KIAA1217: variants seen among roughly 807,000 people sequenced by gnomAD.
The protein encoded by KIAA1217 is KIAA1217, also known as sickle tail protein homolog.
A neutral mutation model predicts 163.9 loss-of-function variants in KIAA1217; 88 were observed. The ratio of observed to expected loss-of-function variants is 0.54; its 90% confidence interval spans 0.45 to 0.64. The LOEUF (loss-of-function observed/expected upper bound fraction) is 0.64, where lower values mean the gene tolerates loss of function less well. Ranked by LOEUF, KIAA1217 falls within the 30% of genes least tolerant of loss-of-function variation. The pLI, the probability that KIAA1217 is intolerant of heterozygous loss-of-function variation, is 0.00. For missense variants in KIAA1217, 2,372 were observed against 2,475.0 expected (o/e 0.96, Z 0.88); for synonymous variants, 903 against 923.1 (o/e 0.98, Z 0.39).
intron 1 of KIAA1217, among the ~76,000 whole-genome samples, chr10:23,734,519 C>G (rs1200618169): frequency 6.6e-6 from 1 of 152,044 alleles, no homozygotes; most frequent in Non-Finnish European, 1.5e-5. Flanking sequence ...AAACCCCTGA[C>G]CTCAGGTGAT....
chr10:23,884,223 C>G (rs1841077063), intron 1 of KIAA1217, among the ~76,000 whole-genome samples: 1 of 151,852 alleles, frequency 6.6e-6, no homozygotes, highest in Non-Finnish European at 1.5e-5. Flanking sequence ...TTGCATTCTC[C>G]CCAACAATGA....
chr10:24,086,037 C>A (rs187887473), intron 2 of KIAA1217, among the ~76,000 whole-genome samples: 2 of 152,074 alleles, frequency 1.3e-5, no homozygotes, highest in East Asian at 3.9e-4. Context: ...CCCTGCCCCA[C>A]TACACACCCC....
chr10:23,906,811 C>T (rs1458670615), intron 1 of KIAA1217, among the ~76,000 whole-genome samples: 1 of 152,104 alleles, frequency 6.6e-6, no homozygotes, highest in East Asian at 1.9e-4. Context: ...TGTAAAATCC[C>T]TCATCCTGGC....
At chr10:24,089,492 C>A (rs368799272) in intron 2 of KIAA1217, among the ~76,000 whole-genome samples, 2 of 79,870 alleles carry the variant, frequency 2.5e-5, no homozygotes, top group African/African-American at 5.7e-5. Flanking sequence ...AGGAAGGGAT[C>A]CAGTTTCAGC....
chr10:23,727,008 G>A lies in KIAA1217; in HGVS notation c.-321+31774G>A, dbSNP rs1201633476. ...TTTTTTTTTTTTTTTTTTTTTTTGA[G>A]ACAGAGTCTTGCTCTGTCACCCAGG... On this transcript the variant is annotated intron_variant, in intron 1 of 18. Transcript: ENST00000376462. 2.7e-3 allele frequency among the ~76,000 whole-genome samples: 149 copies of A among 54,320 alleles called. 6 individuals carry two copies. The highest frequency in any genetic ancestry group is 0.014 in the African/African-American group (142 of 9,852). 35.6% of individuals were successfully genotyped at this position (54,320 alleles called of 152,430 possible).
At chr10:23,709,336 C>A (rs1451516873) in intron 1 of KIAA1217, among the ~76,000 whole-genome samples, 1 of 152,000 alleles carries the variant, frequency 6.6e-6, no homozygotes, top group Non-Finnish European at 1.5e-5. Context: ...CCAGCCTGGG[C>A]AAGATAGCAA....
At chr10:24,137,750 T>C (rs1371622579) in intron 2 of KIAA1217, among the ~76,000 whole-genome samples, 1 of 152,218 alleles carries the variant, frequency 6.6e-6, no homozygotes, top group South Asian at 2.1e-4. Context: ...CTATTCATTC[T>C]AAAAAGTATG....
intron 2 of KIAA1217, among the ~76,000 whole-genome samples, chr10:24,300,523 C>A (rs976448003): frequency 6.6e-6 from 1 of 152,150 alleles, no homozygotes; most frequent in Non-Finnish European, 1.5e-5. Context: ...GCATTTCCTG[C>A]ATGGTTTCCT....
At chr10:24,170,882 G>A (rs1021823512) in intron 2 of KIAA1217, among the ~76,000 whole-genome samples, 1 of 152,210 alleles carries the variant, frequency 6.6e-6, no homozygotes, top group Admixed American at 6.5e-5. Context: ...TCCTGTGGGT[G>A]CTCTGGCTGT....
chr10:24,084,798 G>A (rs1220007892), intron 2 of KIAA1217, among the ~76,000 whole-genome samples: 1 of 151,934 alleles, frequency 6.6e-6, no homozygotes, highest in African/African-American at 2.4e-5. Context: ...TTCCTTTGCC[G>A]CATCTGACTC....
Position 24,473,992 on chromosome 10 carries a change from CCCT to C in KIAA1217, c.1616_1618del (p.Pro539del), listed in dbSNP as rs1158611035. Reference sequence around the variant, plus strand: ...GATTATCCAGCCTTGTAGACCTCGGCCCTCCTCTAATGGAGAAGCAAGTTTTTG... The same window carrying C: ...GATTATCCAGCCTTGTAGACCTCGGCCCTCTAATGGAGAAGCAAGTTTTTG... On this transcript the variant is annotated inframe_deletion, in exon 6 of 21. Coordinates refer to ENST00000376454, the MANE Select transcript of KIAA1217 (RefSeq NM_019590.5). 1.1e-5 allele frequency: 18 copies of C among 1,613,522 alleles called. No homozygotes were observed. Among genetic ancestry groups the C allele is most frequent in the Non-Finnish European group, 1.5e-5 (18 of 1,179,814 alleles).
chr10:24,199,199 C>A (rs1438467116), intron 2 of KIAA1217, among the ~76,000 whole-genome samples: 1 of 151,770 alleles, frequency 6.6e-6, no homozygotes, highest in African/African-American at 2.4e-5. Context: ...ACCACTGCAC[C>A]CCAGCCTGGG....
At chr10:23,900,242 G>A (rs989549437) in intron 1 of KIAA1217, among the ~76,000 whole-genome samples, 2 of 151,980 alleles carry the variant, frequency 1.3e-5, no homozygotes, top group African/African-American at 4.8e-5. Flanking sequence ...CTGACCTAAG[G>A]TGACCCGCCC....
chr10:24,127,538 C>T (rs1003002729), intron 2 of KIAA1217, among the ~76,000 whole-genome samples: 1 of 152,164 alleles, frequency 6.6e-6, no homozygotes, highest in Non-Finnish European at 1.5e-5. Context: ...AATCCTTTTA[C>T]AGCCGGTGTA....
intron 12 of KIAA1217, 93 bp from the exon 13 acceptor site, chr10:24,524,230 C>T (rs2071749028): frequency 1.5e-6 from 2 of 1,343,914 alleles, no homozygotes; most frequent in Non-Finnish European, 2.1e-6. Flanking sequence ...GGATGTGTGA[C>T]TCTCACCTGG....
At chr10:23,894,215 T>C (rs1212576660) in intron 1 of KIAA1217, among the ~76,000 whole-genome samples, 10 of 150,806 alleles carry the variant, frequency 6.6e-5, no homozygotes, top group South Asian at 2.1e-4. Context: ...TGTTTGCAGA[T>C]GACATGATTG....
At chr10:24,150,420 A>G (rs901700420) in intron 2 of KIAA1217, among the ~76,000 whole-genome samples, 2 of 152,224 alleles carry the variant, frequency 1.3e-5, no homozygotes, top group Non-Finnish European at 2.9e-5. Context: ...TCATACCTCC[A>G]GAGACTAGTC....
chr10:24,506,689 T>C (rs1235464577), intron 9 of KIAA1217, among the ~76,000 whole-genome samples: 1 of 152,094 alleles, frequency 6.6e-6, no homozygotes, highest in Non-Finnish European at 1.5e-5. Context: ...CTTAGGAGAA[T>C]GGGGGGAAAA....
chr10:24,368,258 A>T (rs940591297), intron 2 of KIAA1217, among the ~76,000 whole-genome samples: 4 of 152,162 alleles, frequency 2.6e-5, no homozygotes, highest in African/African-American at 9.7e-5. Flanking sequence ...GCAGAAAGGG[A>T]AAAGAAGGGC....
Sources: allele counts gnomAD v4.1 joint callset (sites outside exome capture counted in the v4.1 genomes callset), GRCh38; gene constraint gnomAD v4.1.1; transcripts MANE v1.5; gene names NCBI Gene and HGNC (gene_info 2026-07-23, HGNC 2026-07-21).